The following COPG2 variants were observed in gnomAD, a reference collection of about 807,000 sequenced individuals.
COPG2 encodes the protein coat protein complex I subunit gamma 2.
Under a neutral mutation model 46.3 loss-of-function variants are expected in COPG2, and 37 were observed. The observed-to-expected ratio is 0.80, with a 90% CI of 0.61 to 1.05. The LOEUF is 1.05. Ranked by LOEUF, COPG2 falls within the 50% of genes least tolerant of loss-of-function variation. COPG2 has a pLI of 0.00. For missense variants in COPG2, 427 were observed against 387.8 expected (o/e 1.10, Z -0.85); for synonymous variants, 159 against 129.7 (o/e 1.23, Z -1.53).
Position 130,662,948 on chromosome 7 carries a change from A to C in COPG2, c.243+19T>G. On this transcript the variant is annotated intron_variant, in intron 4 of 23. Transcript: ENST00000425248. ...TAAAAGGAGGTTTTTCATCGTAAAA[A>C]AAATTTAAAAAGACTTACATCATTA... The C allele has an allele frequency of 6.8e-7, 1 of 1,476,684 alleles. No individual in the cohort carries two copies. The highest frequency in any genetic ancestry group is 9.1e-7 in the Non-Finnish European group (1 of 1,099,278). 91.5% of individuals were successfully genotyped at this position (1,476,684 alleles called of 1,614,324 possible).
At chr7:130,537,585 T>C (rs1462459442) in intron 20 of COPG2, among the ~76,000 whole-genome samples, 3 of 150,812 alleles carry the variant, frequency 2.0e-5, no homozygotes, top group Non-Finnish European at 4.4e-5. Context: ...GTTTGCAGCA[T>C]ATGGGAGAGC....
At chr7:130,649,680 T>C (rs1795697967) in intron 5 of COPG2, among the ~76,000 whole-genome samples, 1 of 152,230 alleles carries the variant, frequency 6.6e-6, no homozygotes, top group South Asian at 2.1e-4. Context: ...TCTATCCTGC[T>C]GCTCACTTTT....
intron 20 of COPG2, among the ~76,000 whole-genome samples, chr7:130,546,576 C>A (rs1469856501): frequency 6.6e-6 from 1 of 152,116 alleles, no homozygotes; most frequent in Non-Finnish European, 1.5e-5. Flanking sequence ...CCACCCAGGG[C>A]CAGAGGGAAC....
chr7:130,586,448 C>T (rs1311177223), intron 9 of COPG2, among the ~76,000 whole-genome samples: 2 of 151,930 alleles, frequency 1.3e-5, no homozygotes, highest in Non-Finnish European at 2.9e-5. Context: ...CCACCTGTAC[C>T]CCAATAACTT....
intron 20 of COPG2, among the ~76,000 whole-genome samples, chr7:130,541,548 C>T (rs1399371494): frequency 1.3e-5 from 2 of 151,938 alleles, no homozygotes; most frequent in African/African-American, 4.8e-5. Flanking sequence ...GAGAGCGAGA[C>T]ACGAGTGAGT....
At chr7:130,637,022 C>A (rs1439635457) in intron 5 of COPG2, among the ~76,000 whole-genome samples, 3 of 152,138 alleles carry the variant, frequency 2.0e-5, no homozygotes, top group African/African-American at 7.2e-5. Context: ...GCTGAAAATT[C>A]TTTTCTTTAA....
chr7:130,509,315 T>C, intron 20 of COPG2: 2 of 510,298 alleles, frequency 3.9e-6, no homozygotes, highest in South Asian at 2.9e-5. Context: ...GAGGTGGGGG[T>C]ACATTTTTGG....
chr7:130,659,127 G>A lies in COPG2; in HGVS notation c.243+3840C>T, dbSNP rs112935921. On this transcript the variant is annotated intron_variant, in intron 4 of 23. Coordinates refer to ENST00000425248, the MANE Select transcript of COPG2 (RefSeq NM_012133.6). ...TCCCAGCACTTTGGGAGGCTGAGAC[G>A]GGCGGATCACAAGGTCAGCAGATCG... Among the ~76,000 whole-genome samples, 1,358 of 152,040 alleles carry A rather than the reference G, an allele frequency of 8.9e-3. 9 individuals are homozygous for A. The highest frequency in any genetic ancestry group is 0.034 in the Middle Eastern group (10 of 294).
chr7:130,530,923 A>C (rs1029696538), intron 20 of COPG2, among the ~76,000 whole-genome samples: 5 of 151,912 alleles, frequency 3.3e-5, no homozygotes, highest in African/African-American at 1.2e-4. Context: ...AAGGTTCGGC[A>C]TAGGGAACGG....
At chr7:130,506,944 A>G (rs1233468424) in intron 23 of COPG2, 138 bp from the exon 24 acceptor site, 1 of 598,340 alleles carries the variant, frequency 1.7e-6, no homozygotes, top group Non-Finnish European at 3.0e-6. Context: ...ACTGAATCCT[A>G]AACAAACATA....
chr7:130,588,607 G>A (rs1794333818), intron 9 of COPG2, among the ~76,000 whole-genome samples: 1 of 152,138 alleles, frequency 6.6e-6, no homozygotes, highest in Non-Finnish European at 1.5e-5. Flanking sequence ...GAGAACACAT[G>A]GACACAGGAA....
chr7:130,509,322 T>C (rs782472157), intron 20 of COPG2: 4 of 507,696 alleles, frequency 7.9e-6, no homozygotes, highest in Non-Finnish European at 1.6e-5. Flanking sequence ...GGGTACATTT[T>C]TGGAAAGTGA....
At chr7:130,566,803 G>C (rs1409873836) in intron 9 of COPG2, among the ~76,000 whole-genome samples, 1 of 152,208 alleles carries the variant, frequency 6.6e-6, no homozygotes, top group African/African-American at 2.4e-5. Context: ...TGATAAGAAA[G>C]TCAGGCAGTC....
At chr7:130,522,875 T>A (rs1202405534) in intron 20 of COPG2, among the ~76,000 whole-genome samples, 2 of 151,726 alleles carry the variant, frequency 1.3e-5, no homozygotes, top group African/African-American at 2.4e-5. Context: ...GCTCCAGGCT[T>A]GGGAGGCCAA....
chr7:130,658,320 T>C (rs1795897093), intron 4 of COPG2, among the ~76,000 whole-genome samples: 1 of 152,220 alleles, frequency 6.6e-6, no homozygotes, highest in East Asian at 1.9e-4. Context: ...ATCATTCATA[T>C]GACTTCCTGG....
chr7:130,542,939 T>A lies in COPG2; in HGVS notation c.2149+4735A>T, dbSNP rs899432464. ...GTATGTTCGGTATCATGGCTGAGTGTAGGAGCATTTTAGGGAATAGAAGTT... is the reference window on the plus strand; with the variant it reads ...GTATGTTCGGTATCATGGCTGAGTGAAGGAGCATTTTAGGGAATAGAAGTT... On this transcript the variant is annotated intron_variant, in intron 20 of 23. Coordinates refer to ENST00000425248, the MANE Select transcript of COPG2 (RefSeq NM_012133.6). Among the ~76,000 whole-genome samples the A allele has an allele frequency of 3.9e-5, 6 of 152,258 alleles. No homozygotes were observed. The East Asian group carries it at 9.6e-4, about 24-fold the overall frequency.
intron 11 of COPG2, among the ~76,000 whole-genome samples, chr7:130,561,837 T>C (rs1390066099): frequency 2.0e-5 from 3 of 152,208 alleles, no homozygotes; most frequent in African/African-American, 7.2e-5. Flanking sequence ...CCCAAACTAA[T>C]GCGAAACTCT....
At chr7:130,545,755 C>T (rs1380183016) in intron 20 of COPG2, among the ~76,000 whole-genome samples, 2 of 151,922 alleles carry the variant, frequency 1.3e-5, no homozygotes, top group South Asian at 2.1e-4. Flanking sequence ...AGCCAGCAGA[C>T]CAAATGTTGA....
At chr7:130,554,791 C>T (rs1244746690) in intron 13 of COPG2, 67 bp from the exon 14 acceptor site, 4 of 398,278 alleles carry the variant, frequency 1.0e-5, no homozygotes, top group African/African-American at 8.2e-5. Flanking sequence ...GCTTACACTC[C>T]AAGGTTTATG....
Sources: gnomAD v4.1 joint callset for allele counts (sites outside exome capture counted in the v4.1 genomes callset) on GRCh38, gnomAD v4.1.1 for gene constraint, MANE v1.5 for transcripts, NCBI Gene and HGNC (gene_info 2026-07-23, HGNC 2026-07-21) for gene names.